TMEM132D: variants seen among roughly 807,000 people sequenced by gnomAD.
TMEM132D encodes the protein transmembrane protein 132D.
Under a neutral mutation model 62.3 loss-of-function variants are expected in TMEM132D, and 21 were observed. That is an observed-to-expected ratio of 0.34 (90% CI 0.24 to 0.49). The LOEUF (loss-of-function observed/expected upper bound fraction) is 0.49. Ranked by LOEUF, TMEM132D falls within the 20% of genes least tolerant of loss-of-function variation. The pLI is 0.99. For synonymous variants in TMEM132D, 621 were observed against 575.6 expected (o/e 1.08, Z -1.13); for missense variants, 1,346 against 1,402.8 (o/e 0.96, Z 0.65).
At chr12:129,415,092 T>C (rs1349145367) in intron 3 of TMEM132D, among the ~76,000 whole-genome samples, 1 of 152,232 alleles carries the variant, frequency 6.6e-6, no homozygotes, top group Non-Finnish European at 1.5e-5. Context: ...TGTTTCCGTA[T>C]CTTGACTATG....
At chr12:129,547,988 G>A (rs1008934223) in intron 2 of TMEM132D, among the ~76,000 whole-genome samples, 2 of 152,122 alleles carry the variant, frequency 1.3e-5, no homozygotes, top group Non-Finnish European at 2.9e-5. Flanking sequence ...GACAATTTGT[G>A]CCCTATTTCC....
chr12:129,087,959 CCGGGG>C (rs1366050479), intron 5 of TMEM132D, among the ~76,000 whole-genome samples: 4 of 89,564 alleles, frequency 4.5e-5, no homozygotes, highest in African/African-American at 1.4e-4. Flanking sequence ...TCCTCCCTGA[CCGGGG>C]TGTCCTCCAT....
At chr12:129,320,969 TCTATCTAC>T (rs1384483231) in intron 4 of TMEM132D, among the ~76,000 whole-genome samples, 1 of 152,110 alleles carries the variant, frequency 6.6e-6, no homozygotes, top group Middle Eastern at 3.2e-3. Context: ...TACAAATCTA[TCTATCTAC>T]CTACCTACCT....
intron 1 of TMEM132D, among the ~76,000 whole-genome samples, chr12:129,793,414 C>T (rs2137300221): frequency 6.6e-6 from 1 of 152,298 alleles, no homozygotes; most frequent in South Asian, 2.1e-4. Flanking sequence ...CTCTGTCACC[C>T]AGGCTGGAGT....
chr12:129,567,820 A>G (rs1033809994), intron 2 of TMEM132D, among the ~76,000 whole-genome samples: 1 of 152,200 alleles, frequency 6.6e-6, no homozygotes, highest in Non-Finnish European at 1.5e-5. Context: ...GGTATAACCT[A>G]CATAAACAAA....
intron 2 of TMEM132D, among the ~76,000 whole-genome samples, chr12:129,693,507 T>C (rs76892997): frequency 0.021 from 3,126 of 152,156 alleles, 62 homozygotes; most frequent in Non-Finnish European, 0.028. Flanking sequence ...AGCATAGCCT[T>C]GGGAGAATGG....
chr12:129,672,731 A>G (rs264499), intron 2 of TMEM132D, among the ~76,000 whole-genome samples: 54,286 of 152,026 alleles, frequency 0.36, 10,087 homozygotes, highest in Middle Eastern at 0.42. Context: ...ATTTTGGTAT[A>G]CTGTTCCATG....
At chr12:129,696,690 G>A (rs1200365157) in intron 2 of TMEM132D, among the ~76,000 whole-genome samples, 1 of 152,184 alleles carries the variant, frequency 6.6e-6, no homozygotes, top group African/African-American at 2.4e-5. Context: ...GGTAAGTAGA[G>A]ACTGGGATGC....
Position 129,459,666 on chromosome 12 carries a change from G to A in TMEM132D, c.1115+71393C>T, listed in dbSNP as rs76908954. ...ATTCAGAGAAGAAAAGGAAATTCCC[G>A]GGAATTCTCAAGGATTCATGAAATC... is the stretch of plus-strand genomic sequence containing the variant. On this transcript the variant is annotated intron_variant, in intron 3 of 8. Transcript: ENST00000422113. Among the ~76,000 whole-genome samples, 3,415 of 152,176 alleles carry A rather than the reference G, an allele frequency of 0.022. 317 individuals carry two copies. The East Asian group carries it at 0.3, about 13-fold the overall frequency.
At chr12:129,240,274 G>A (rs528407264) in intron 4 of TMEM132D, among the ~76,000 whole-genome samples, 5 of 152,154 alleles carry the variant, frequency 3.3e-5, no homozygotes, top group East Asian at 1.9e-4. Flanking sequence ...CTTTTATGCC[G>A]CTGGATACCT....
chr12:129,252,503 G>T (rs1415562887), intron 4 of TMEM132D, among the ~76,000 whole-genome samples: 3 of 152,310 alleles, frequency 2.0e-5, no homozygotes, highest in African/African-American at 2.4e-5. Flanking sequence ...CTCTCAGAAA[G>T]ATTCTACATT....
intron 4 of TMEM132D, 179 bp from the exon 5 acceptor site, chr12:129,209,842 G>T: frequency 1.3e-6 from 1 of 778,368 alleles, no homozygotes; most frequent in African/African-American, 1.7e-5. Flanking sequence ...ATAATGTTCT[G>T]TCCTCACCCA....
intron 3 of TMEM132D, among the ~76,000 whole-genome samples, chr12:129,346,566 A>G (rs1344023903): frequency 6.6e-6 from 1 of 152,136 alleles, no homozygotes; most frequent in Admixed American, 6.6e-5. Context: ...TCTCACAATA[A>G]TAAGAGCTAT....
chr12:129,733,339 C>A (rs2094393890), intron 1 of TMEM132D, among the ~76,000 whole-genome samples: 3 of 152,106 alleles, frequency 2.0e-5, no homozygotes, highest in Non-Finnish European at 1.5e-5. Context: ...AAGTAAATTG[C>A]ATTGTAGGTC....
chr12:129,394,213 C>G (rs901000345), intron 3 of TMEM132D, among the ~76,000 whole-genome samples: 1 of 152,170 alleles, frequency 6.6e-6, no homozygotes, highest in East Asian at 1.9e-4. Flanking sequence ...GGAGTTGCAG[C>G]TTTTACTGTC....
chr12:129,478,986 G>GAATTA (rs1277270166), intron 3 of TMEM132D, among the ~76,000 whole-genome samples: 14 of 152,346 alleles, frequency 9.2e-5, no homozygotes, highest in Admixed American at 2.6e-4. Flanking sequence ...TGCTGGAGCA[G>GAATTA]AATTAATTGT....
intron 1 of TMEM132D, chr12:129,853,436 A>T: frequency 6.6e-6 from 1 of 152,298 alleles, no homozygotes; most frequent in South Asian, 2.1e-4. Flanking sequence ...GTCAGCCTGC[A>T]CCCAGCCGTG....
chr12:129,441,990 G>C (rs1872950358), intron 3 of TMEM132D, among the ~76,000 whole-genome samples: 1 of 152,156 alleles, frequency 6.6e-6, no homozygotes, highest in Non-Finnish European at 1.5e-5. Flanking sequence ...AGAAGCAAGA[G>C]ATAAGGAGAG....
intron 1 of TMEM132D, among the ~76,000 whole-genome samples, chr12:129,871,581 C>A (rs1262260966): frequency 6.6e-6 from 1 of 152,006 alleles, no homozygotes; most frequent in Non-Finnish European, 1.5e-5. Context: ...ATGTTTCTAG[C>A]AAGCAGAAGC....
Sources: allele counts gnomAD v4.1 joint callset (sites outside exome capture counted in the v4.1 genomes callset), GRCh38; gene constraint gnomAD v4.1.1; transcripts MANE v1.5; gene names NCBI Gene and HGNC (gene_info 2026-07-23, HGNC 2026-07-21).